The following CNOT7 variants were observed in gnomAD, a reference collection of about 807,000 sequenced individuals.
CNOT7 encodes the protein BTG1-binding factor 1.
Under a neutral mutation model 37.1 loss-of-function variants are expected in CNOT7, and 4 were observed. The observed-to-expected ratio is 0.11, with a 90% CI of 0.05 to 0.25. The LOEUF (loss-of-function observed/expected upper bound fraction) is 0.25. Among genes scored for constraint, CNOT7 ranks in the 10% least tolerant of loss-of-function variants. The probability of loss-of-function intolerance (pLI) is 1.00; values close to 1 mark genes in which losing one functional copy is unlikely to be tolerated. For synonymous variants in CNOT7, 128 were observed against 115.6 expected, an observed-to-expected ratio of 1.11 and a Z score of -0.69; for missense variants, 170 against 336.2, an observed-to-expected ratio of 0.51 and a Z score of 3.87.
chr8:17,239,775 G>C (rs1012030926), intron 3 of CNOT7, among the ~76,000 whole-genome samples: 1 of 152,224 alleles, frequency 6.6e-6, no homozygotes, highest in South Asian at 2.1e-4. Flanking sequence ...TTACAGGCGT[G>C]AGCCACCACG....
chr8:17,232,270 T>C lies in CNOT7; in HGVS notation c.729+157A>G. ...TGAACTACATTTCAAGATGACTTATTTTTGAATACTTTTAAGTGTGGTGGA... is the reference window on the plus strand; with the variant it reads ...TGAACTACATTTCAAGATGACTTATCTTTGAATACTTTTAAGTGTGGTGGA... On this transcript the variant is annotated intron_variant, in intron 6 of 6. Coordinates refer to ENST00000361272, the MANE Select transcript of CNOT7 (RefSeq NM_013354.7). 6 of 1,472,050 alleles carry C rather than the reference T, an allele frequency of 4.1e-6. No homozygotes were observed. In the South Asian group the frequency reaches 5.5e-5, roughly 14 times the overall value. 91.2% of individuals were successfully genotyped at this position (1,472,050 alleles called of 1,614,324 possible). A position where few individuals can be genotyped will look rare whatever the true frequency, so the allele number is the denominator to read the frequency against.
intron 2 of CNOT7, chr8:17,244,381 A>G (rs1469766421): frequency 6.6e-6 from 1 of 152,204 alleles, no homozygotes; most frequent in Admixed American, 6.5e-5. Flanking sequence ...TTTTTGTTTG[A>G]GAAAGAGCAC....
At chr8:17,233,728 A>C (rs1320788602) in intron 5 of CNOT7, among the ~76,000 whole-genome samples, 1 of 152,212 alleles carries the variant, frequency 6.6e-6, no homozygotes, top group African/African-American at 2.4e-5. Flanking sequence ...AATTACACAG[A>C]AGTCTACTGC....
intron 4 of CNOT7, 48 bp from the exon 5 acceptor site, chr8:17,234,908 A>G (rs1261643650): frequency 3.9e-6 from 6 of 1,526,782 alleles, no homozygotes; most frequent in Non-Finnish European, 4.4e-6. Context: ...TAAATACTAT[A>G]AAGATTAAAA....
chr8:17,241,361 GGTCT>G (rs1810139961), intron 3 of CNOT7: 1 of 147,236 alleles, frequency 6.8e-6, no homozygotes, highest in African/African-American at 2.5e-5. Flanking sequence ...CTCCTGCCTT[GGTCT>G]CCAAATGGAG....
chr8:17,236,139 G>C (rs1407125389), intron 4 of CNOT7, among the ~76,000 whole-genome samples: 1 of 152,170 alleles, frequency 6.6e-6, no homozygotes, highest in East Asian at 1.9e-4. Context: ...GAATGAGTGT[G>C]TTCAGTACCT....
At chr8:17,243,397 A>C (rs1810456663) in intron 2 of CNOT7, 1 of 636,740 alleles carries the variant, frequency 1.6e-6, no homozygotes, top group African/African-American at 1.8e-5. Context: ...ATATCCAAAA[A>C]GTTACTATAC....
chr8:17,232,309 G>GT (rs747816224), intron 6 of CNOT7, 118 bp downstream of exon 6: 58 of 1,562,350 alleles, frequency 3.7e-5, no homozygotes, highest in Non-Finnish European at 4.9e-5. Context: ...GACTCATATG[G>GT]TATCTCTAAT....
Position 17,230,702 on chromosome 8 carries a change from T to C in CNOT7, c.*18A>G. 6.3e-7 allele frequency: 1 copy of C among 1,588,580 alleles called. No individual in the cohort carries two copies. The highest frequency in any genetic ancestry group is 8.5e-7 in the Non-Finnish European group (1 of 1,170,738). On this transcript the variant is annotated 3_prime_UTR_variant, in exon 7 of 7. Transcript: ENST00000361272. ...GCATGTGTGTAGCTCGAAATAAAAA[T>C]AAAAGGACTATTTCATGTCATGACT...
At chr8:17,243,207 C>A in intron 2 of CNOT7, 22 bp from the exon 3 acceptor site, 1 of 1,559,960 alleles carries the variant, frequency 6.4e-7, no homozygotes, top group Admixed American at 2.1e-5. Context: ...TTTTAAGATT[C>A]ATTATGTACT....
At chr8:17,241,622 T>C (rs1001143054) in intron 3 of CNOT7, 1 of 152,206 alleles carries the variant, frequency 6.6e-6, no homozygotes, top group African/African-American at 2.4e-5. Flanking sequence ...TTAGGATGTA[T>C]GACACAAATG....
chr8:17,243,237 C>T, intron 2 of CNOT7, 52 bp from the exon 3 acceptor site: 1 of 1,404,090 alleles, frequency 7.1e-7, no homozygotes, highest in Non-Finnish European at 9.7e-7. Context: ...AAACTACAAT[C>T]CACACATTTT....
At chr8:17,240,611 C>T (rs1223179902) in intron 3 of CNOT7, among the ~76,000 whole-genome samples, 1 of 152,122 alleles carries the variant, frequency 6.6e-6, no homozygotes, top group Non-Finnish European at 1.5e-5. Flanking sequence ...CAATTTTATC[C>T]AAACTGAGAA....
chr8:17,231,576 TCA>T (rs1309822736), intron 6 of CNOT7: 1 of 985,018 alleles, frequency 1.0e-6, no homozygotes, highest in East Asian at 1.1e-4. Context: ...TTTTAAATTC[TCA>T]GTCTCAATTT....
At chr8:17,239,818 T>C (rs949192774) in intron 3 of CNOT7, among the ~76,000 whole-genome samples, 1 of 152,222 alleles carries the variant, frequency 6.6e-6, no homozygotes, top group African/African-American at 2.4e-5. Context: ...GTTAAAAATT[T>C]GTTTTAATCC....
intron 2 of CNOT7, 125 bp downstream of exon 2, chr8:17,244,911 A>G: frequency 1.2e-6 from 1 of 823,624 alleles, no homozygotes; most frequent in Non-Finnish European, 1.9e-6. Context: ...GGGCAGTGAC[A>G]AATTTTACTT....
At chr8:17,230,924 T>TGTAA (rs992724594) in intron 6 of CNOT7, 76 bp from the exon 7 acceptor site, 1 of 1,052,908 alleles carries the variant, frequency 9.5e-7, no homozygotes, top group African/African-American at 1.6e-5. Flanking sequence ...ATTTCAGCAA[T>TGTAA]GTAAGTACTG....
At chr8:17,239,837 A>G (rs1230670631) in intron 3 of CNOT7, among the ~76,000 whole-genome samples, 2 of 152,210 alleles carry the variant, frequency 1.3e-5, no homozygotes, top group African/African-American at 4.8e-5. Context: ...CCTCTTTATC[A>G]GTGACATTAT....
intron 3 of CNOT7, among the ~76,000 whole-genome samples, chr8:17,239,026 T>A (rs924833909): frequency 6.6e-6 from 1 of 152,222 alleles, no homozygotes; most frequent in Middle Eastern, 3.2e-3. Flanking sequence ...CTGTGTATTA[T>A]CTGTAAAACA....
Sources: allele counts gnomAD v4.1 joint callset (sites outside exome capture counted in the v4.1 genomes callset), GRCh38; gene constraint gnomAD v4.1.1; transcripts MANE v1.5; gene names NCBI Gene and HGNC (gene_info 2026-07-23, HGNC 2026-07-21).